The following UNC13C variants were observed in gnomAD, a reference collection of about 807,000 sequenced individuals.
UNC13C encodes unc-13 homolog C.
A neutral mutation model predicts 245.4 loss-of-function variants in UNC13C; 174 were observed. The ratio of observed to expected loss-of-function variants is 0.71; its 90% confidence interval spans 0.63 to 0.80. The LOEUF is 0.80. Among genes scored for constraint, UNC13C ranks in the 30% least tolerant of loss-of-function variants. The pLI is 0.00. For missense variants in UNC13C, 2,829 were observed against 2,602.9 expected (o/e 1.09, Z -1.89); for synonymous variants, 992 against 895.1 (o/e 1.11, Z -1.93).
intron 4 of UNC13C, among the ~76,000 whole-genome samples, chr15:54,145,287 T>A (rs921611166): frequency 3.3e-5 from 5 of 152,136 alleles, no homozygotes; most frequent in African/African-American, 1.2e-4. Flanking sequence ...TGTTATTAAA[T>A]ACATCCACAT....
chr15:54,512,738 A>G (rs1452729202), intron 24 of UNC13C, among the ~76,000 whole-genome samples: 3 of 152,166 alleles, frequency 2.0e-5, no homozygotes, highest in African/African-American at 2.4e-5. Context: ...GGGAAAGTTT[A>G]TGAGATGTGC....
At chr15:53,914,885 G>T in the UNC13C span, among the ~76,000 whole-genome samples, 67 of 152,160 alleles carry the variant, frequency 4.4e-4, no homozygotes, top group Middle Eastern at 3.4e-3. Context: ...CTAAATATGT[G>T]TGTGTATGTA....
At chr15:53,944,981 C>G in the UNC13C span, among the ~76,000 whole-genome samples, 1 of 152,030 alleles carries the variant, frequency 6.6e-6, no homozygotes. Context: ...TTGTACCTCA[C>G]TGTGGTTTTA....
chr15:53,933,234 C>T, the UNC13C span, among the ~76,000 whole-genome samples: 9 of 152,110 alleles, frequency 5.9e-5, no homozygotes, highest in South Asian at 2.1e-4. Flanking sequence ...ACCATGAAAA[C>T]TTTTTAATAC....
chr15:54,242,229 A>G (rs1195010366), intron 7 of UNC13C, among the ~76,000 whole-genome samples: 1 of 152,082 alleles, frequency 6.6e-6, no homozygotes, highest in Non-Finnish European at 1.5e-5. Context: ...TAAGTTCTGT[A>G]TCTTGAAGGA....
rs751044444 is a variant in UNC13C at position 54,013,200 on chromosome 15, C to T, written c.297C>T (p.Ala99=). 1.9e-6 allele frequency: 3 copies of T among 1,613,776 alleles called. No homozygotes were observed. The highest frequency in any genetic ancestry group is 1.1e-5 in the South Asian group (1 of 91,078). Residue 99 remains alanine (A), a synonymous_variant, in exon 2 of 33, where the codon GCC becomes GCT. Transcript: ENST00000260323. ...CATTCAGTTACCGAGTAGCTATTGC[C>T]AATGGCCTACAAAAGAATGCTAAAG... ...SPTFSYRVAI[A]NGLQKNAKVT...
chr15:54,623,646 AAATTGTATTT>A, intron 31 of UNC13C, 139 bp from the exon 32 acceptor site: 1 of 713,608 alleles, frequency 1.4e-6, no homozygotes, highest in East Asian at 2.7e-5. Context: ...TCCAGAAAGA[AAATTGTATTT>A]TATTGTCTTG....
intron 2 of UNC13C, among the ~76,000 whole-genome samples, chr15:54,032,299 C>T (rs576616080): frequency 3.9e-5 from 6 of 152,190 alleles, no homozygotes; most frequent in South Asian, 2.1e-4. Flanking sequence ...TGTCAAGGTA[C>T]GTCAAATCAG....
At chr15:53,974,448 T>C (rs947647858), upstream of UNC13C, among the ~76,000 whole-genome samples, 3 of 152,182 alleles carry the variant, frequency 2.0e-5, no homozygotes, top group African/African-American at 7.2e-5. Context: ...ATTGGTGATA[T>C]AAAAATGAAT....
intron 22 of UNC13C, among the ~76,000 whole-genome samples, chr15:54,505,741 A>G (rs1020072169): frequency 9.1e-6 from 1 of 109,808 alleles, no homozygotes; most frequent in Admixed American, 1.0e-4. Context: ...TTTAAGCTAT[A>G]TTCTTTTTTT....
At chr15:54,076,265 C>G (rs111713591) in intron 2 of UNC13C, among the ~76,000 whole-genome samples, 15 of 121,324 alleles carry the variant, frequency 1.2e-4, no homozygotes, top group African/African-American at 4.4e-4. Flanking sequence ...CCCCTCCCCC[C>G]ACCCCACCAC....
chr15:54,241,444 C>T (rs1208533500), intron 7 of UNC13C, among the ~76,000 whole-genome samples: 1 of 152,148 alleles, frequency 6.6e-6, no homozygotes, highest in African/African-American at 2.4e-5. Context: ...GCTTACAGCA[C>T]ACCCAGGTAC....
At chr15:54,225,448 A>G (rs2035353515) in intron 4 of UNC13C, among the ~76,000 whole-genome samples, 1 of 152,162 alleles carries the variant, frequency 6.6e-6, no homozygotes, top group South Asian at 2.1e-4. Context: ...ATGAGCATGG[A>G]ATGTTGTTCC....
the UNC13C span, among the ~76,000 whole-genome samples, chr15:53,890,066 A>G: frequency 6.6e-6 from 1 of 151,590 alleles, no homozygotes; most frequent in Non-Finnish European, 1.5e-5. Context: ...TGCTGACTTC[A>G]TAAAATGAGT....
the UNC13C span, among the ~76,000 whole-genome samples, chr15:53,898,141 C>T: frequency 1.3e-5 from 2 of 152,080 alleles, no homozygotes; most frequent in Non-Finnish European, 2.9e-5. Flanking sequence ...TGCTGGTGCA[C>T]ATAGTCCTAA....
chr15:54,463,559 T>A (rs1293338601), intron 19 of UNC13C, among the ~76,000 whole-genome samples: 1 of 151,830 alleles, frequency 6.6e-6, no homozygotes, highest in East Asian at 1.9e-4. Context: ...CCTTAAGAGC[T>A]GTAACACTCA....
intron 10 of UNC13C, among the ~76,000 whole-genome samples, chr15:54,272,337 T>C (rs1356598895): frequency 1.3e-5 from 2 of 152,142 alleles, no homozygotes; most frequent in Admixed American, 1.3e-4. Flanking sequence ...CTAAGCTCTA[T>C]AAAAGATAAT....
downstream of UNC13C, chr15:54,632,391 A>G (rs1167249215): frequency 2.6e-5 from 4 of 152,176 alleles, no homozygotes; most frequent in East Asian, 5.8e-4. Flanking sequence ...CTTTGCTACC[A>G]TAAGAATTAC....
chr15:54,346,913 C>T (rs1179595072), intron 17 of UNC13C, among the ~76,000 whole-genome samples: 1 of 152,066 alleles, frequency 6.6e-6, no homozygotes, highest in Non-Finnish European at 1.5e-5. Context: ...TATCAGAGAA[C>T]AAACGATAGT....
Sources: allele counts gnomAD v4.1 joint callset (sites outside exome capture counted in the v4.1 genomes callset), GRCh38; gene constraint gnomAD v4.1.1; transcripts MANE v1.5; gene names NCBI Gene and HGNC (gene_info 2026-07-23, HGNC 2026-07-21).